The following OR10R2 variants were observed in gnomAD, a reference collection of about 807,000 sequenced individuals.
OR10R2 encodes the protein olfactory receptor 10R2.
In OR10R2, 1 loss-of-function variant was observed where a neutral mutation model predicts 2.4. The observed-to-expected ratio is 0.41, with a 90% CI of 0.15 to 1.95. OR10R2 has a LOEUF of 1.95. OR10R2 is among the 30% of genes most tolerant of loss of function. OR10R2 has a pLI of 0.30. For missense variants in OR10R2, 419 were observed against 373.0 expected (o/e 1.12, Z -1.01); for synonymous variants, 166 against 144.8 (o/e 1.15, Z -1.05).
At chr1:158,473,523 G>C (rs966894187) in intron 1 of OR10R2, among the ~76,000 whole-genome samples, 1 of 152,182 alleles carries the variant, frequency 6.6e-6, no homozygotes, top group Admixed American at 6.5e-5. Context: ...TTACAGGGAA[G>C]TGATTTGAAA....
exon 2 of OR10R2, chr1:158,480,720 G>A (rs777484932): frequency 6.2e-7 from 1 of 1,612,650 alleles, no homozygotes; most frequent in Non-Finnish European, 8.5e-7. Context: ...TCTACCTGAG[G>A]CCTACAGCAA....
exon 2 of OR10R2, chr1:158,480,876 A>G (rs750216796): frequency 3.0e-6 from 4 of 1,329,842 alleles, no homozygotes; most frequent in Non-Finnish European, 4.2e-6. Flanking sequence ...CTCTAAAACT[A>G]TATAATTGAA....
exon 2 of OR10R2, chr1:158,480,413 T>A (rs755575865): frequency 1.2e-6 from 2 of 1,613,926 alleles, no homozygotes; most frequent in Non-Finnish European, 1.7e-6. Flanking sequence ...TCTCTTACAG[T>A]AGTAAATTTA....
chr1:158,474,661 G>C (rs1656238520), intron 1 of OR10R2: 1 of 152,112 alleles, frequency 6.6e-6, no homozygotes. Context: ...TATTTTTGTA[G>C]TTCTATCTGC....
rs62621280 is a variant in OR10R2, at chr1:158,480,739, T to A, written c.829T>A (p.Ser277Thr). ...CCTGAGGCCTACAGCAAACTATGTG[T>A]CCAACAAAGACAGGCTGGTGACGGT... Residue 277 changes from serine (S) to threonine (T), a missense_variant, in exon 2 of 2, where the codon TCC (serine) becomes ACC (threonine). Transcript: ENST00000641067. 2,036 of 1,613,352 alleles carry A rather than the reference T, an allele frequency of 1.3e-3. 33 individuals are homozygous for A. In the African/African-American group the frequency reaches 0.021, roughly 17 times the overall value.
chr1:158,477,399 A>C (rs371257667), intron 1 of OR10R2, among the ~76,000 whole-genome samples: 3 of 152,318 alleles, frequency 2.0e-5, no homozygotes, highest in Non-Finnish European at 2.9e-5. Flanking sequence ...TATCTAGAAA[A>C]CTAATTTAAA....
chr1:158,478,131 T>C (rs11264978), intron 1 of OR10R2, among the ~76,000 whole-genome samples: 90,281 of 151,936 alleles, frequency 0.59, 27,159 homozygotes, highest in African/African-American at 0.68. Flanking sequence ...GGACCCTCAC[T>C]TTTCACCATA....
intron 1 of OR10R2, among the ~76,000 whole-genome samples, chr1:158,472,781 T>A (rs1656188101): frequency 6.6e-6 from 1 of 152,146 alleles, no homozygotes; most frequent in Non-Finnish European, 1.5e-5. Flanking sequence ...ATGCTCAAGT[T>A]GAGATCTTAA....
Position 158,473,878 on chromosome 1 carries a change from T to TCCC in OR10R2, c.27+1526_27+1527insCCC, listed in dbSNP as rs1301694062. ...CTTCCCTCTTTCCCTCTCTGCTTCC[T>TCCC]TCCTCCCTCCTTCCCTCTTTCCCTC... is the stretch of plus-strand genomic sequence containing the variant. On this transcript the variant is annotated intron_variant, in intron 1 of 1. Coordinates refer to ENST00000641067, the Ensembl canonical transcript of OR10R2. 1.8e-4 allele frequency among the ~76,000 whole-genome samples: 25 copies of TCCC among 137,160 alleles called. 1 individual carries two copies. Among genetic ancestry groups the TCCC allele is most frequent in the African/African-American group, 5.3e-4 (16 of 30,156 alleles). The allele number at this position is 137,160 out of a possible 152,430, so 90.0% of individuals were successfully genotyped here. A position where few individuals can be genotyped will look rare whatever the true frequency, so the allele number is the denominator to read the frequency against.
chr1:158,479,251 C>T (rs769959352), intron 1 of OR10R2, among the ~76,000 whole-genome samples: 8 of 152,080 alleles, frequency 5.3e-5, no homozygotes, highest in Non-Finnish European at 7.4e-5. Context: ...ATCTTATCAA[C>T]CTTTAGATGA....
intron 1 of OR10R2, among the ~76,000 whole-genome samples, chr1:158,478,086 A>T (rs1229011143): frequency 1.3e-5 from 2 of 152,122 alleles, no homozygotes; most frequent in African/African-American, 4.8e-5. Flanking sequence ...ATGGTGTGGG[A>T]ATAGCTGGCT....
At chr1:158,474,555 C>A (rs1052012046) in intron 1 of OR10R2, 1 of 152,066 alleles carries the variant, frequency 6.6e-6, no homozygotes, top group African/African-American at 2.4e-5. Context: ...TAGAAAATAC[C>A]AGACAGGGGT....
chr1:158,473,589 C>A (rs2101671221), intron 1 of OR10R2, among the ~76,000 whole-genome samples: 1 of 152,302 alleles, frequency 6.6e-6, no homozygotes, highest in African/African-American at 2.4e-5. Flanking sequence ...AGACATGGCT[C>A]TTTGCATGTT....
intron 1 of OR10R2, among the ~76,000 whole-genome samples, chr1:158,477,561 A>G (rs1322352057): frequency 6.6e-6 from 1 of 152,166 alleles, no homozygotes; most frequent in African/African-American, 2.4e-5. Context: ...GAATAACCAC[A>G]AAGAAAATAA....
intron 1 of OR10R2, 96 bp downstream of exon 1, chr1:158,472,448 T>C: frequency 2.5e-6 from 1 of 398,382 alleles, no homozygotes; most frequent in Non-Finnish European, 4.4e-6. Flanking sequence ...ATTACTTAGA[T>C]TTTTCCTTAA....
chr1:158,475,779 C>G (rs1195353782), intron 1 of OR10R2, among the ~76,000 whole-genome samples: 1 of 151,562 alleles, frequency 6.6e-6, no homozygotes, highest in Non-Finnish European at 1.5e-5. Flanking sequence ...TTACGTTTAG[C>G]TTTTCAAATT....
At chr1:158,480,695 G>T (rs1466680754) in exon 2 of OR10R2, 12 of 1,613,412 alleles carry the variant, frequency 7.4e-6, no homozygotes, top group Admixed American at 1.7e-5. Context: ...GTTCATTATG[G>T]CTGTGCTTCC....
chr1:158,480,619 A>G (rs755006065), exon 2 of OR10R2: 17 of 1,613,596 alleles, frequency 1.1e-5, no homozygotes, highest in Admixed American at 1.7e-5. Flanking sequence ...TATCCTGAAG[A>G]TTCCCTCAGC....
intron 1 of OR10R2, among the ~76,000 whole-genome samples, chr1:158,475,229 T>C (rs1656249055): frequency 1.3e-5 from 2 of 152,162 alleles, no homozygotes; most frequent in African/African-American, 4.8e-5. Context: ...TAGTTTGTGT[T>C]ACAATTTTCA....
Sources: allele counts gnomAD v4.1 joint callset (sites outside exome capture counted in the v4.1 genomes callset), GRCh38; gene constraint gnomAD v4.1.1; transcripts MANE v1.5; gene names NCBI Gene and HGNC (gene_info 2026-07-23, HGNC 2026-07-21).